Variants in RASGEF1A observed in about 807,000 individuals in gnomAD.
RASGEF1A encodes RasGEF domain family member 1A.
A neutral mutation model predicts 56.4 loss-of-function variants in RASGEF1A; 18 were observed. The observed-to-expected ratio is 0.32, with a 90% confidence interval of 0.22 to 0.47. RASGEF1A has a LOEUF of 0.47. RASGEF1A is among the 20% of genes least tolerant of loss of function. The pLI is 1.00. For synonymous variants in RASGEF1A, 245 were observed against 242.6 expected (o/e 1.01, Z -0.09); for missense variants, 422 against 627.1 (o/e 0.67, Z 3.49).
chr10:43,235,186 A>G (rs1840414807), intron 1 of RASGEF1A, among the ~76,000 whole-genome samples: 1 of 152,200 alleles, frequency 6.6e-6, no homozygotes, highest in Non-Finnish European at 1.5e-5. Context: ...GAGGGGGTGA[A>G]TGGGAGTCAG....
intron 1 of RASGEF1A, among the ~76,000 whole-genome samples, chr10:43,260,171 A>T (rs1303780520): frequency 6.6e-6 from 1 of 152,174 alleles, no homozygotes; most frequent in Admixed American, 6.5e-5. Context: ...CCCTCCCAGC[A>T]TCTGGGTATA....
intron 1 of RASGEF1A, among the ~76,000 whole-genome samples, chr10:43,223,699 T>C (rs1164735535): frequency 1.3e-5 from 2 of 152,168 alleles, no homozygotes; most frequent in Non-Finnish European, 2.9e-5. Context: ...ATTTCAAGGA[T>C]AACCCTCTTG....
At chr10:43,266,797 G>A (rs1836633597) in intron 1 of RASGEF1A, 48 bp downstream of exon 1, 1 of 145,974 alleles carries the variant, frequency 6.9e-6, no homozygotes, top group Admixed American at 6.8e-5. Context: ...ACGGCCCCAG[G>A]CGCGGGCGGG....
intron 1 of RASGEF1A, among the ~76,000 whole-genome samples, chr10:43,209,913 G>A (rs560231848): frequency 1.3e-5 from 2 of 152,282 alleles, no homozygotes; most frequent in South Asian, 2.1e-4. Context: ...AGTGGGCCCA[G>A]TGCTCCCCTT....
At chr10:43,206,594 G>A (rs933949848) in intron 1 of RASGEF1A, 1 of 995,506 alleles carries the variant, frequency 1.0e-6, no homozygotes, top group African/African-American at 1.7e-5. Flanking sequence ...TGGGAGGACA[G>A]TCTGAGGACT....
intron 1 of RASGEF1A, among the ~76,000 whole-genome samples, chr10:43,211,316 G>T (rs1257541027): frequency 6.6e-6 from 1 of 152,146 alleles, no homozygotes; most frequent in Non-Finnish European, 1.5e-5. Context: ...TCGAGAAGGG[G>T]GTCCTCCCTG....
intron 1 of RASGEF1A, among the ~76,000 whole-genome samples, chr10:43,242,820 C>T (rs1007170678): frequency 5.9e-5 from 9 of 152,316 alleles, no homozygotes; most frequent in Non-Finnish European, 8.8e-5. Context: ...GATGGAGTCT[C>T]GCTCACTCAT....
At chr10:43,207,804 C>G in intron 1 of RASGEF1A, 1 of 696,984 alleles carries the variant, frequency 1.4e-6, no homozygotes, top group Non-Finnish European at 1.8e-6. Context: ...GCTCTCCACT[C>G]CAGCCCAGGA....
chr10:43,239,418 C>G (rs1453890228), intron 1 of RASGEF1A, among the ~76,000 whole-genome samples: 1 of 152,304 alleles, frequency 6.6e-6, no homozygotes, highest in East Asian at 1.9e-4. Flanking sequence ...AAAACCCTCT[C>G]TTCCATAAAC....
chr10:43,254,529 C>A (rs946223837), intron 1 of RASGEF1A, among the ~76,000 whole-genome samples: 1 of 152,242 alleles, frequency 6.6e-6, no homozygotes, highest in African/African-American at 2.4e-5. Context: ...CTAACCCCCG[C>A]CCCCGGACCT....
chr10:43,234,794 A>C (rs1192097735), intron 1 of RASGEF1A, among the ~76,000 whole-genome samples: 4 of 152,224 alleles, frequency 2.6e-5, no homozygotes, highest in Non-Finnish European at 4.4e-5. Context: ...CAAAACACGA[A>C]GCAAAATGAA....
chr10:43,227,991 C>T (rs1840304257), intron 1 of RASGEF1A, among the ~76,000 whole-genome samples: 1 of 152,112 alleles, frequency 6.6e-6, no homozygotes, highest in South Asian at 2.1e-4. Context: ...TGGGGTGGCA[C>T]TCTGCTAGCT....
chr10:43,265,079 C>T (rs1354860165), intron 1 of RASGEF1A, among the ~76,000 whole-genome samples: 1 of 152,120 alleles, frequency 6.6e-6, no homozygotes, highest in East Asian at 1.9e-4. Context: ...CGCTGGGGGC[C>T]ACTGTGTGCG....
At chr10:43,238,163 C>A (rs937953440) in intron 1 of RASGEF1A, among the ~76,000 whole-genome samples, 1 of 36,024 alleles carries the variant, frequency 2.8e-5, no homozygotes, top group Non-Finnish European at 5.6e-5. Context: ...AGAGTAACAC[C>A]TGCCCCTCAG....
In RASGEF1A at chr10:43,199,171, G is replaced by T. The variant is rs770544740; in HGVS notation, c.873C>A (p.Thr291=). 1.9e-6 allele frequency: 3 copies of T among 1,612,366 alleles called. No homozygotes were observed. The highest frequency in any genetic ancestry group is 2.5e-6 in the Non-Finnish European group (3 of 1,179,258). ...CATCAATGAAGAACTCCAACATGCG[G>T]GTCCGGTGTTTCTTCTTCACCACCT... ...VCRVVKKKHR[T]RMLEFFIDVA... The change falls in exon 8 of 13, where the codon ACC becomes ACA. Residue 291 remains threonine (T), a synonymous_variant. Transcript: ENST00000395810.
At position 43,198,230 on chromosome 10, in the gene RASGEF1A, G is replaced by T. The variant is rs1289166640; in HGVS notation, c.1033-35C>A. On this transcript the variant is annotated intron_variant, in intron 9 of 12. Coordinates refer to ENST00000395810, the MANE Select transcript of RASGEF1A (RefSeq NM_145313.4). ...CAGGGAGGACCTGGTGAGCATCACAGCCCCATGCCCCTCCGACCTGCTCCA... is the reference window on the plus strand; with the variant it reads ...CAGGGAGGACCTGGTGAGCATCACATCCCCATGCCCCTCCGACCTGCTCCA... 10 of 1,557,616 alleles carry T rather than the reference G, an allele frequency of 6.4e-6. No homozygotes were observed. In the East Asian group the frequency reaches 2.3e-4, roughly 35 times the overall value.
Position 43,199,008 on chromosome 10 carries a change from G to A in RASGEF1A, c.957C>T (p.Gly319=). ...GCCTTGCCACAGGACTGAGGTTCAT[G>A]CCAGCTGCAGAGGACAGCAGGTAGG... ...NFNSMMAIIS[G]MNLSPVARLK... is the part of the protein sequence containing the mutation. Residue 319 remains glycine (G), a synonymous_variant, in exon 9 of 13, where the codon GGC becomes GGT. Transcript: ENST00000395810. The A allele has an allele frequency of 2.0e-6, 3 of 1,525,444 alleles. No homozygotes were observed. The highest frequency in any genetic ancestry group is 2.7e-6 in the Non-Finnish European group (3 of 1,108,754). 94.5% of individuals were successfully genotyped at this position (1,525,444 alleles called of 1,614,324 possible).
rs574893217 is a variant in RASGEF1A, at chr10:43,235,270, C to A, written c.-6-29148G>T. Among the ~76,000 whole-genome samples the A allele has an allele frequency of 5.9e-5, 9 of 152,364 alleles. No individual in the cohort carries two copies. The South Asian group carries it at 1.9e-3, about 32-fold the overall frequency. ...CTGGGCAGGAGCCCACCGGCCACAG[C>A]GTCAGGCACACCTCTCCCCAGTCGT... On this transcript the variant is annotated intron_variant, in intron 1 of 12. Coordinates refer to ENST00000395810, the MANE Select transcript of RASGEF1A (RefSeq NM_145313.4).
Position 43,196,619 on chromosome 10 carries a change from A to G in RASGEF1A, c.1349-71T>C. 3 of 1,388,064 alleles carry G rather than the reference A, an allele frequency of 2.2e-6. No individual in the cohort carries two copies. The highest frequency in any genetic ancestry group is 3.1e-6 in the Non-Finnish European group (3 of 983,104). The allele number at this position is 1,388,064 out of a possible 1,614,324, so 86.0% of individuals were successfully genotyped here. A position where few individuals can be genotyped will look rare whatever the true frequency, so the allele number is the denominator to read the frequency against. On this transcript the variant is annotated intron_variant, in intron 11 of 12. Transcript: ENST00000395810. The surrounding 1 kb of genome is among the most constrained non-coding windows in gnomAD (Gnocchi z 4.6). ...TCTGCCTGAACCCAGCTGTCCCTTC[A>G]GGAGTACAGCCCAGCACAAGGGGAC...
Sources: gnomAD v4.1 joint callset for allele counts (sites outside exome capture counted in the v4.1 genomes callset) on GRCh38, gnomAD v4.1.1 for gene constraint, Gnocchi (gnomAD v3.1) non-coding constraint, MANE v1.5 for transcripts, NCBI Gene and HGNC (gene_info 2026-07-23, HGNC 2026-07-21) for gene names.